Variants in LRRIQ3 observed in about 807,000 individuals in gnomAD.
The protein encoded by LRRIQ3 is leucine rich repeats and IQ motif containing 3.
LRRIQ3 carries 75 observed loss-of-function variants against 59.3 expected under a neutral mutation model. The observed-to-expected ratio is 1.26, with a 90% CI of 1.05 to 1.53. The LOEUF is 1.53. LRRIQ3 is among the 40% of genes most tolerant of loss of function. The pLI is 0.00. For synonymous variants in LRRIQ3, 250 were observed against 231.3 expected (o/e 1.08, Z -0.73); for missense variants, 831 against 710.0 (o/e 1.17, Z -1.94).
intron 6 of LRRIQ3, among the ~76,000 whole-genome samples, chr1:74,058,885 T>C (rs1021552546): frequency 5.3e-5 from 8 of 152,054 alleles, no homozygotes; most frequent in South Asian, 2.1e-4. Context: ...AGTAAATTGA[T>C]GTATCATTTT....
chr1:74,066,812 T>C (rs937796353), intron 6 of LRRIQ3, among the ~76,000 whole-genome samples: 14 of 152,154 alleles, frequency 9.2e-5, no homozygotes, highest in African/African-American at 3.4e-4. Context: ...GATTTCTTGC[T>C]CATTCAAACC....
At chr1:74,086,602 A>G (rs1646329816) in intron 5 of LRRIQ3, among the ~76,000 whole-genome samples, 1 of 152,112 alleles carries the variant, frequency 6.6e-6, no homozygotes, top group African/African-American at 2.4e-5. Context: ...GTGAATCTCA[A>G]GATAAAGTGT....
At chr1:74,067,142 A>G (rs537242256) in intron 6 of LRRIQ3, among the ~76,000 whole-genome samples, 24 of 152,260 alleles carry the variant, frequency 1.6e-4, no homozygotes, top group African/African-American at 4.3e-4. Context: ...AAATCCCATC[A>G]AGTCCAGAAT....
intron 3 of LRRIQ3, among the ~76,000 whole-genome samples, chr1:74,159,677 C>G (rs988359916): frequency 6.6e-6 from 1 of 152,044 alleles, no homozygotes; most frequent in Non-Finnish European, 1.5e-5. Flanking sequence ...ATCTTACTGC[C>G]TCACATACCT....
At chr1:74,188,465 A>G (rs1650551432) in intron 1 of LRRIQ3, among the ~76,000 whole-genome samples, 1 of 152,188 alleles carries the variant, frequency 6.6e-6, no homozygotes, top group Non-Finnish European at 1.5e-5. Context: ...CTTCTTAGTT[A>G]ATGAAATGTG....
At chr1:74,096,925 G>A (rs571860422) in intron 5 of LRRIQ3, among the ~76,000 whole-genome samples, 3 of 152,230 alleles carry the variant, frequency 2.0e-5, no homozygotes, top group East Asian at 3.9e-4. Context: ...TCTCAGAGGG[G>A]TACCCGGCTG....
intron 6 of LRRIQ3, among the ~76,000 whole-genome samples, chr1:74,064,132 T>C (rs1264982498): frequency 6.6e-6 from 1 of 151,872 alleles, no homozygotes; most frequent in Non-Finnish European, 1.5e-5. Context: ...ATAATGTCTA[T>C]ATATGGTAAA....
intron 6 of LRRIQ3, 115 bp downstream of exon 6, chr1:74,074,546 T>G (rs996544649): frequency 2.4e-6 from 1 of 408,796 alleles, no homozygotes; most frequent in Non-Finnish European, 4.0e-6. Flanking sequence ...TCAACATATA[T>G]TTCATAGACT....
At chr1:74,079,434 C>G (rs1000474410) in intron 5 of LRRIQ3, among the ~76,000 whole-genome samples, 7 of 151,816 alleles carry the variant, frequency 4.6e-5, no homozygotes, top group African/African-American at 1.7e-4. Flanking sequence ...GCTCCTTTTC[C>G]TTCAGGACTT....
chr1:74,174,550 T>C (rs79579262), intron 3 of LRRIQ3, among the ~76,000 whole-genome samples: 3 of 5,750 alleles, frequency 5.2e-4, no homozygotes, highest in African/African-American at 6.6e-4. Flanking sequence ...GCCTGGCTAT[T>C]TTTTTTTTTT....
chr1:74,104,110 G>A (rs985681047), intron 5 of LRRIQ3, among the ~76,000 whole-genome samples: 1 of 151,856 alleles, frequency 6.6e-6, no homozygotes, highest in East Asian at 1.9e-4. Context: ...GTAAGCATAC[G>A]AAATGTTCAA....
chr1:74,177,553 G>A (rs189423645), intron 3 of LRRIQ3, among the ~76,000 whole-genome samples: 29 of 152,076 alleles, frequency 1.9e-4, no homozygotes, highest in African/African-American at 6.5e-4. Context: ...CGTTTCAACT[G>A]TTCTATCGAG....
chr1:74,060,243 T>C (rs796250242), intron 6 of LRRIQ3, among the ~76,000 whole-genome samples: 4 of 115,734 alleles, frequency 3.5e-5, no homozygotes, highest in East Asian at 6.4e-4. Flanking sequence ...CTTCTTCTTC[T>C]TCTTCTTCTT....
At position 74,041,537 on chromosome 1, in the gene LRRIQ3, T is replaced by A. The variant is rs1222055652; in HGVS notation, c.1394A>T (p.Lys465Ile). Residue 465 changes from lysine (K) to isoleucine (I), a missense_variant, in exon 7 of 8, where the codon AAA becomes ATA. By Grantham distance (102) the Lys-to-Ile change is moderately radical (BLOSUM62 -3). Coordinates refer to ENST00000354431, the MANE Select transcript of LRRIQ3 (RefSeq NM_001105659.2). ...VAVNEHLNQK[K>I]YATQKLIEEN... ...TTCAATTAGTTTTTGTGTAGCATAT[T>A]TTTTCTGATTCAAATGTTCATTAAC... 1 of 1,611,322 alleles carries A rather than the reference T, an allele frequency of 6.2e-7. No individual in the cohort carries two copies.
Position 74,109,493 on chromosome 1 carries a change from T to C in LRRIQ3, c.768A>G (p.Lys256=), listed in dbSNP as rs1362927220. The C allele has an allele frequency of 1.3e-6, 2 of 1,573,892 alleles. No individual in the cohort carries two copies. The highest frequency in any genetic ancestry group is 1.4e-5 in the African/African-American group (1 of 72,872). Reference sequence around the variant, plus strand: ...CATACCCTTTGGTTATGTAAATCCATTTTGCTTCATATCCTCTAATAATTT... The same window carrying C: ...CATACCCTTTGGTTATGTAAATCCACTTTGCTTCATATCCTCTAATAATTT... The part of the protein sequence containing the change: ...QEKIIRGYEA[K]WIYITKGYED... Residue 256 remains lysine (K), a synonymous_variant, in exon 5 of 8, where the codon AAA becomes AAG. Coordinates refer to ENST00000354431, the MANE Select transcript of LRRIQ3 (RefSeq NM_001105659.2).
chr1:74,037,507 G>A (rs545839381), intron 7 of LRRIQ3, among the ~76,000 whole-genome samples: 81 of 152,124 alleles, frequency 5.3e-4, no homozygotes, highest in African/African-American at 1.7e-3. Flanking sequence ...GTGTGGTGGC[G>A]GACGCTTGTA....
intron 3 of LRRIQ3, among the ~76,000 whole-genome samples, chr1:74,174,064 C>T (rs1649489940): frequency 6.6e-6 from 1 of 152,024 alleles, no homozygotes; most frequent in Admixed American, 6.6e-5. Flanking sequence ...TTTCTTTCTC[C>T]AGATTTGTGA....
At chr1:74,076,305 T>G (rs528249571) in intron 5 of LRRIQ3, among the ~76,000 whole-genome samples, 2 of 152,302 alleles carry the variant, frequency 1.3e-5, no homozygotes, top group South Asian at 4.1e-4. Flanking sequence ...CTGGAACATT[T>G]ACATAGCGCT....
At chr1:74,147,343 T>A (rs1340875402) in intron 4 of LRRIQ3, among the ~76,000 whole-genome samples, 1 of 152,168 alleles carries the variant, frequency 6.6e-6, no homozygotes, top group Non-Finnish European at 1.5e-5. Flanking sequence ...CCATATGAAA[T>A]AAATAAATTT....
Sources: allele counts gnomAD v4.1 joint callset (sites outside exome capture counted in the v4.1 genomes callset), GRCh38; gene constraint gnomAD v4.1.1; transcripts MANE v1.5; gene names NCBI Gene and HGNC (gene_info 2026-07-23, HGNC 2026-07-21).